PTK7: variants seen among roughly 807,000 people sequenced by gnomAD.
The protein encoded by PTK7 is inactive tyrosine-protein kinase 7.
PTK7 carries 39 observed loss-of-function variants against 116.6 expected under a neutral mutation model. That is an observed-to-expected ratio of 0.33 (90% CI 0.26 to 0.44). PTK7 has a LOEUF of 0.44. Ranked by LOEUF, PTK7 falls within the 20% of genes least tolerant of loss-of-function variation. The pLI is 1.00. For synonymous variants in PTK7, 546 were observed against 563.6 expected, an observed-to-expected ratio of 0.97 and a Z score of 0.44; for missense variants, 1,169 against 1,425.6, an observed-to-expected ratio of 0.82 and a Z score of 2.90.
chr6:43,157,358 A>T (rs1315378628), intron 17 of PTK7, among the ~76,000 whole-genome samples: 381 of 3,716 alleles, frequency 0.1, 33 homozygotes, highest in East Asian at 0.19. Context: ...ATATATATAT[A>T]TATATATTTT....
rs1197146307 is a variant in PTK7, at chr6:43,146,623, C to A, written c.2646C>A (p.Asp882Glu). 6.2e-7 allele frequency: 1 copy of A among 1,613,430 alleles called. No individual in the cohort carries two copies. Among genetic ancestry groups the A allele is most frequent in the Non-Finnish European group, 8.5e-7 (1 of 1,179,904 alleles). Reference sequence around the variant, plus strand: ...ATGCCTGGCTTTTCCCTTAGGGAGACCTCAAGCAGTTCCTGAGGATTTCCA... The same window carrying A: ...ATGCCTGGCTTTTCCCTTAGGGAGAACTCAAGCAGTTCCTGAGGATTTCCA... ...YMVLEYVDLG[D>E]LKQFLRISKS... is the part of the protein sequence containing the mutation. Residue 882 changes from aspartate to glutamate, a missense_variant, in exon 17 of 20, where the codon GAC becomes GAA. Coordinates refer to ENST00000230419, the MANE Select transcript of PTK7 (RefSeq NM_002821.5).
chr6:43,114,691 C>A lies in PTK7; in HGVS notation c.80-14286C>A, dbSNP rs559777687. ...CCTAGGAGCCCTTTTCTCAGCCGTC[C>A]GCGTGTGCTTTATGCTTTATGTTTC... On this transcript the variant is annotated intron_variant, in intron 1 of 19. Coordinates refer to ENST00000230419, the MANE Select transcript of PTK7 (RefSeq NM_002821.5). Among the ~76,000 whole-genome samples the A allele has an allele frequency of 2.0e-5, 3 of 152,172 alleles. No individual in the cohort carries two copies. In the South Asian group the frequency reaches 6.2e-4, roughly 32 times the overall value.
rs954156712 is a variant in PTK7, at chr6:43,119,548, C to G, written c.80-9429C>G. ...CTGGAAGCACTTTGGGTCCGAACCC[C>G]TCCAGTGAATGGCTGTTGAGCCCAC... On this transcript the variant is annotated intron_variant, in intron 1 of 19. Coordinates refer to ENST00000230419, the MANE Select transcript of PTK7 (RefSeq NM_002821.5). Among the ~76,000 whole-genome samples, 5 of 152,162 alleles carry G rather than the reference C, an allele frequency of 3.3e-5. No individual in the cohort carries two copies. The East Asian group carries it at 9.6e-4, about 29-fold the overall frequency.
chr6:43,083,710 A>G (rs1482496380), intron 1 of PTK7, among the ~76,000 whole-genome samples: 2 of 152,164 alleles, frequency 1.3e-5, no homozygotes, highest in Non-Finnish European at 2.9e-5. Context: ...TGCTGTGTGC[A>G]TTAACTGGGG....
chr6:43,140,585 A>G (rs2150447390), intron 10 of PTK7, among the ~76,000 whole-genome samples: 1 of 151,618 alleles, frequency 6.6e-6, no homozygotes, highest in Non-Finnish European at 1.5e-5. Flanking sequence ...ATATAGTTTC[A>G]GTTATTAAAT....
At chr6:43,093,262 T>A (rs553493982) in intron 1 of PTK7, among the ~76,000 whole-genome samples, 1 of 139,392 alleles carries the variant, frequency 7.2e-6, no homozygotes, top group Non-Finnish European at 1.5e-5. Flanking sequence ...CAATCTCAGC[T>A]CACTGCAATC....
rs1027215477 is a variant in PTK7, at chr6:43,130,255, G to A, written c.496G>A (p.Gly166Arg). 2.5e-5 allele frequency: 40 copies of A among 1,595,084 alleles called. No homozygotes were observed. Among genetic ancestry groups the A allele is most frequent in the Non-Finnish European group, 3.3e-5 (38 of 1,167,304 alleles). ...GCCCACCTACCAATGGTTCCGAGAT[G>A]GGACCCCCCTTTCTGATGGTCAGAG... The part of the protein sequence containing the change: ...PRPTYQWFRD[G>R]TPLSDGQSNH... The change falls in exon 4 of 20, where the codon GGG becomes AGG. Residue 166 changes from glycine to arginine, a missense_variant. Coordinates refer to ENST00000230419, the MANE Select transcript of PTK7 (RefSeq NM_002821.5).
intron 7 of PTK7, among the ~76,000 whole-genome samples, chr6:43,136,874 C>T (rs933523262): frequency 6.6e-5 from 10 of 152,090 alleles, no homozygotes; most frequent in African/African-American, 1.9e-4. Context: ...CCTGGTGGTA[C>T]GCGCCTGTGG....
In PTK7 at chr6:43,141,835, CCCTGGGGCTGGGA is replaced by C; in HGVS notation, c.1768+19_1768+31del. 1 of 1,610,910 alleles carries C rather than the reference CCCTGGGGCTGGGA, an allele frequency of 6.2e-7. No homozygotes were observed. The highest frequency in any genetic ancestry group is 8.5e-7 in the Non-Finnish European group (1 of 1,178,296). On this transcript the variant is annotated intron_variant, in intron 11 of 19. Coordinates refer to ENST00000230419, the MANE Select transcript of PTK7 (RefSeq NM_002821.5). This position sits in a 1 kb window ranked among gnomAD's most constrained non-coding sequence, Gnocchi z 4.9. ...TGTGGCAGGTGCGACCGTGGCAGGG[CCCTGGGGCTGGGA>C]GGGCCCTCTGGGGTAGCACCGTGTA...
intron 1 of PTK7, among the ~76,000 whole-genome samples, chr6:43,103,094 G>T (rs1192353604): frequency 1.3e-5 from 2 of 152,178 alleles, no homozygotes; most frequent in Non-Finnish European, 2.9e-5. Context: ...AACCCAGAAG[G>T]TTTGCTGCTT....
At chr6:43,142,432 AC>A in intron 13 of PTK7, 133 bp downstream of exon 13, 1 of 1,347,252 alleles carries the variant, frequency 7.4e-7, no homozygotes, top group Non-Finnish European at 1.0e-6. Flanking sequence ...CGGCCGTCTC[AC>A]CATGCTGCTG....
chr6:43,157,809 C>G (rs1214932347), intron 17 of PTK7, among the ~76,000 whole-genome samples: 1 of 152,014 alleles, frequency 6.6e-6, no homozygotes, highest in Non-Finnish European at 1.5e-5. Context: ...TCACCACAAC[C>G]TCCGCCTGCT....
At chr6:43,144,414 G>C in intron 14 of PTK7, 37 bp from the exon 15 acceptor site, 1 of 1,613,162 alleles carries the variant, frequency 6.2e-7, no homozygotes. Context: ...CAGAGTGTCA[G>C]GTCTCATCGT....
At position 43,160,942 on chromosome 6, in the gene PTK7, G is replaced by A; in HGVS notation, c.*61G>A. The A allele has an allele frequency of 6.4e-7, 1 of 1,572,894 alleles. No homozygotes were observed. The highest frequency in any genetic ancestry group is 8.6e-7 in the Non-Finnish European group (1 of 1,160,272). On this transcript the variant is annotated 3_prime_UTR_variant, in exon 20 of 20. Transcript: ENST00000230419. ...GGACATCTCTAGAGGGAAGCTCACA[G>A]CATGATGGGCAAGATCCCTGTCCTC... is the stretch of plus-strand genomic sequence containing the variant.
intron 1 of PTK7, among the ~76,000 whole-genome samples, chr6:43,094,010 G>A (rs1767100202): frequency 6.6e-6 from 1 of 152,168 alleles, no homozygotes; most frequent in Non-Finnish European, 1.5e-5. Context: ...ATACTTCTAC[G>A]CAAAGGAAGA....
chr6:43,102,230 G>C (rs1767623099), intron 1 of PTK7, among the ~76,000 whole-genome samples: 1 of 152,132 alleles, frequency 6.6e-6, no homozygotes, highest in Non-Finnish European at 1.5e-5. Context: ...TTTGAGACCA[G>C]CCCGACCAAT....
chr6:43,155,823 G>A (rs1582225376), intron 17 of PTK7, among the ~76,000 whole-genome samples: 1 of 152,216 alleles, frequency 6.6e-6, no homozygotes, highest in South Asian at 2.1e-4. Flanking sequence ...TCATATTCTA[G>A]ACTTCGTCTT....
At chr6:43,160,543 C>T (rs1422083811) in intron 19 of PTK7, among the ~76,000 whole-genome samples, 178 bp from the exon 20 acceptor site, 1 of 152,202 alleles carries the variant, frequency 6.6e-6, no homozygotes, top group African/African-American at 2.4e-5. Flanking sequence ...TCCTACCAGC[C>T]AGAGTGAGTG....
chr6:43,129,737 A>T lies in PTK7; in HGVS notation c.378A>T (p.Ala126=), dbSNP rs766652585. The T allele has an allele frequency of 6.2e-7, 1 of 1,614,102 alleles. No homozygotes were observed. Residue 126 remains alanine (A), a synonymous_variant, in exon 3 of 20, where the codon GCA becomes GCT. Transcript: ENST00000230419. This position sits in a 1 kb window ranked among gnomAD's most constrained non-coding sequence, Gnocchi z 4.5. ...TGGCCTCTGCTACAGGGATTGAGGCAGGTCCTGTGGTCCTGAAGCATCCAG... is the reference window on the plus strand; with the variant it reads ...TGGCCTCTGCTACAGGGATTGAGGCTGGTCCTGTGGTCCTGAAGCATCCAG... ...NASFNIKWIE[A]GPVVLKHPAS...
Sources: gnomAD v4.1 joint callset for allele counts (sites outside exome capture counted in the v4.1 genomes callset) on GRCh38, gnomAD v4.1.1 for gene constraint, Gnocchi (gnomAD v3.1) non-coding constraint, MANE v1.5 for transcripts, NCBI Gene and HGNC (gene_info 2026-07-23, HGNC 2026-07-21) for gene names.